Variants in KIDINS220 observed in about 807,000 individuals in gnomAD.
The protein encoded by KIDINS220 is kinase D-interacting substrate of 220 kDa.
A neutral mutation model predicts 157.6 loss-of-function variants in KIDINS220; 63 were observed. The ratio of observed to expected loss-of-function variants is 0.40; its 90% CI spans 0.33 to 0.49. The LOEUF (loss-of-function observed/expected upper bound fraction) is 0.49. Ranked by LOEUF, KIDINS220 falls within the 20% of genes least tolerant of loss-of-function variation. KIDINS220 has a pLI of 0.66. For synonymous variants in KIDINS220, 732 were observed against 783.6 expected (o/e 0.93, Z 1.10); for missense variants, 1,772 against 2,171.2 (o/e 0.82, Z 3.65).
At chr2:8,833,479 C>T (rs77082114) in intron 1 of KIDINS220, among the ~76,000 whole-genome samples, 9 of 129,062 alleles carry the variant, frequency 7.0e-5, no homozygotes, top group African/African-American at 8.7e-5. Flanking sequence ...TTAAATTTGT[C>T]TTTTTTTTTT....
chr2:8,788,860 G>T (rs746839765), intron 14 of KIDINS220, 48 bp from the exon 15 acceptor site: 18 of 1,537,430 alleles, frequency 1.2e-5, no homozygotes, highest in Admixed American at 1.7e-5. Flanking sequence ...CACTAGTCAA[G>T]CAGATCTTTT....
chr2:8,742,147 G>T (rs895185305), intron 26 of KIDINS220, among the ~76,000 whole-genome samples: 4 of 152,020 alleles, frequency 2.6e-5, no homozygotes. Flanking sequence ...TTGAGACAAG[G>T]TCTGCTCTGT....
chr2:8,776,992 C>A, intron 20 of KIDINS220, 100 bp from the exon 21 acceptor site: 2 of 1,284,262 alleles, frequency 1.6e-6, no homozygotes, highest in East Asian at 2.4e-5. Context: ...AAAAAAAAAT[C>A]CAAAGTTTTA....
chr2:8,793,330 C>T (rs1490803616), intron 12 of KIDINS220, among the ~76,000 whole-genome samples: 2 of 151,700 alleles, frequency 1.3e-5, no homozygotes, highest in Non-Finnish European at 2.9e-5. Context: ...CTCGTCTCTA[C>T]AAAAAAAGAA....
intron 22 of KIDINS220, among the ~76,000 whole-genome samples, chr2:8,770,380 C>T (rs534245518): frequency 1.3e-5 from 2 of 151,980 alleles, no homozygotes; most frequent in African/African-American, 2.4e-5. Flanking sequence ...TGCTCCAACC[C>T]GGGTGACAGA....
In KIDINS220 at chr2:8,731,265, T is replaced by C. The variant is rs765555439; in HGVS notation, c.4771A>G (p.Ser1591Gly). ...KDSSDSGVRS[S>G]ESSPNHSLHN... ...AGAGAGTGATTGGGAGAACTTTCAC[T>C]GGATCTCACTCCTGAATCCGATGAA... Residue 1591 changes from serine (S) to glycine (G), a missense_variant, in exon 30 of 30, where the codon AGT (serine) becomes GGT (glycine). Physicochemically the swap from Ser to Gly is moderately conservative, Grantham distance 56. This residue lies in a region of KIDINS220 where 793 missense variants were observed against 885.5 expected (regional missense o/e 0.90). Coordinates refer to ENST00000256707, the MANE Select transcript of KIDINS220 (RefSeq NM_020738.4). The surrounding 1 kb of genome is among the most constrained non-coding windows in gnomAD (Gnocchi z 5.2). 2 of 1,614,158 alleles carry C rather than the reference T, an allele frequency of 1.2e-6. No homozygotes were observed. Among genetic ancestry groups the C allele is most frequent in the East Asian group, 2.2e-5 (1 of 44,884 alleles).
At chr2:8,807,091 G>GT (rs1675554320) in intron 6 of KIDINS220, among the ~76,000 whole-genome samples, 1 of 152,096 alleles carries the variant, frequency 6.6e-6, no homozygotes, top group African/African-American at 2.4e-5. Flanking sequence ...GATCCTTATC[G>GT]TAAGAACAAT....
At chr2:8,811,695 C>T (rs928232635) in intron 6 of KIDINS220, among the ~76,000 whole-genome samples, 3 of 151,212 alleles carry the variant, frequency 2.0e-5, no homozygotes, top group Admixed American at 6.6e-5. Context: ...TGAAAGCCAA[C>T]GAAGCTTTCC....
intron 1 of KIDINS220, among the ~76,000 whole-genome samples, chr2:8,836,455 T>C (rs760577397): frequency 1.4e-4 from 21 of 152,242 alleles, no homozygotes; most frequent in Non-Finnish European, 2.8e-4. Context: ...ACCAAAATTA[T>C]TTGGGAAGCT....
chr2:8,826,846 C>G, intron 2 of KIDINS220, 140 bp downstream of exon 2: 2 of 404,590 alleles, frequency 4.9e-6, no homozygotes, highest in Non-Finnish European at 8.8e-6. Flanking sequence ...GTACTTTTAA[C>G]TATAAGACAT....
Position 8,734,740 on chromosome 2 carries a change from C to T in KIDINS220, c.3731G>A (p.Gly1244Asp). Reference sequence around the variant, plus strand: ...AATGTTACACTGAGCTAACACACGGCCATTTATGTTTGCCTGAGTAAAAAT... The same window carrying T: ...AATGTTACACTGAGCTAACACACGGTCATTTATGTTTGCCTGAGTAAAAAT... ...CTTIKKANIN[G>D]RVLAQCNIDE... Residue 1244 changes from glycine to aspartate, a missense_variant, in exon 28 of 30, where the codon GGC (glycine) becomes GAC (aspartate). Gly to Asp is a moderately conservative substitution (Grantham distance 94). Around this residue, in one of 3 missense-constraint regions of KIDINS220, gnomAD observed 793 missense variants for 885.5 expected, o/e 0.90. Coordinates refer to ENST00000256707, the MANE Select transcript of KIDINS220 (RefSeq NM_020738.4). The T allele has an allele frequency of 1.2e-6, 2 of 1,610,630 alleles. No homozygotes were observed. Among genetic ancestry groups the T allele is most frequent in the Non-Finnish European group, 8.5e-7 (1 of 1,178,706 alleles).
At chr2:8,754,798 G>A (rs1667800020) in intron 22 of KIDINS220, among the ~76,000 whole-genome samples, 1 of 152,138 alleles carries the variant, frequency 6.6e-6, no homozygotes, top group Non-Finnish European at 1.5e-5. Context: ...GATTCTTAGA[G>A]CAGAATTTAT....
Position 8,750,350 on chromosome 2 carries a change from C to T in KIDINS220, c.3191-15G>A. The stretch of plus-strand genomic sequence containing the variant: ...AGCACGAACATCTGAAAGATTCAAT[C>T]AGACCCCAGAAGGCAAGAGAAAACA... On this transcript the variant is annotated splice_polypyrimidine_tract_variant and intron_variant, in intron 23 of 29. Coordinates refer to ENST00000256707, the MANE Select transcript of KIDINS220 (RefSeq NM_020738.4). 2 of 1,513,644 alleles carry T rather than the reference C, an allele frequency of 1.3e-6. No homozygotes were observed. The highest frequency in any genetic ancestry group is 1.8e-6 in the Non-Finnish European group (2 of 1,123,158). The allele number at this position is 1,513,644 out of a possible 1,614,324, so 93.8% of individuals were successfully genotyped here. A position where few individuals can be genotyped will look rare whatever the true frequency, so the allele number is the denominator to read the frequency against.
chr2:8,744,363 CAAAA>C (rs547083543), intron 26 of KIDINS220, among the ~76,000 whole-genome samples: 78 of 9,300 alleles, frequency 8.4e-3, no homozygotes, highest in Admixed American at 0.012. Context: ...TTCCTCATGG[CAAAA>C]AAAAAAAAAA....
At chr2:8,816,479 A>C (rs1214614142) in intron 4 of KIDINS220, among the ~76,000 whole-genome samples, 2 of 152,198 alleles carry the variant, frequency 1.3e-5, no homozygotes, top group African/African-American at 4.8e-5. Flanking sequence ...GCTATAAAGC[A>C]CCTAAAGAAG....
downstream of KIDINS220, chr2:8,725,277 G>C (rs374070543): frequency 8.5e-5 from 13 of 152,282 alleles, no homozygotes; most frequent in East Asian, 2.3e-3. Flanking sequence ...TGATAAATTT[G>C]AAAATAACAA....
At chr2:8,739,032 T>C (rs1267172443) in intron 26 of KIDINS220, among the ~76,000 whole-genome samples, 1 of 152,226 alleles carries the variant, frequency 6.6e-6, no homozygotes, top group Non-Finnish European at 1.5e-5. Flanking sequence ...AAATTAATCC[T>C]GTCAGCTTTG....
chr2:8,745,331 C>T lies in KIDINS220; in HGVS notation c.3585+1814G>A, dbSNP rs533740472. ...GATGATGACCCATGGATTAAAGATC[C>T]TGTAAGCACTGAAGAGAATTATTGT... is the stretch of plus-strand genomic sequence containing the variant. On this transcript the variant is annotated intron_variant, in intron 26 of 29. Transcript: ENST00000256707. Among the ~76,000 whole-genome samples, 5 of 152,254 alleles carry T rather than the reference C, an allele frequency of 3.3e-5. No individual in the cohort carries two copies. In the South Asian group the frequency reaches 1.0e-3, roughly 32 times the overall value.
intron 26 of KIDINS220, among the ~76,000 whole-genome samples, chr2:8,744,389 ATATATATATATAATATAT>A (rs1339714589): frequency 2.2e-4 from 6 of 27,890 alleles, no homozygotes; most frequent in Non-Finnish European, 2.2e-4. Context: ...AAAAAAAAAA[ATATATATATATAATATAT>A]ATATATATAT....
Sources: allele counts gnomAD v4.1 joint callset (sites outside exome capture counted in the v4.1 genomes callset), GRCh38; gene constraint gnomAD v4.1.1; regional missense constraint gnomAD v4.1.1; non-coding constraint Gnocchi (gnomAD v3.1); transcripts MANE v1.5; gene names NCBI Gene and HGNC (gene_info 2026-07-23, HGNC 2026-07-21).